The following ATF7IP2 variants were observed in gnomAD, a reference collection of about 807,000 sequenced individuals.
ATF7IP2 encodes the protein activating transcription factor 7-interacting protein 2.
A neutral mutation model predicts 64.2 loss-of-function variants in ATF7IP2; 42 were observed. The observed-to-expected ratio is 0.65, with a 90% CI of 0.51 to 0.85. The LOEUF (loss-of-function observed/expected upper bound fraction) is 0.85, where lower values mean the gene tolerates loss of function less well. ATF7IP2 is among the 40% of genes least tolerant of loss of function. The pLI is 0.00. For missense variants in ATF7IP2, 933 were observed against 784.2 expected (o/e 1.19, Z -2.27); for synonymous variants, 308 against 272.8 (o/e 1.13, Z -1.27).
chr16:10,474,092 G>T, intron 12 of ATF7IP2, 103 bp downstream of exon 12: 2 of 743,040 alleles, frequency 2.7e-6, no homozygotes. Flanking sequence ...ATGTGAGTGT[G>T]CCTATGTTTA....
Position 10,472,093 on chromosome 16 carries a change from T to A in ATF7IP2, c.1353-17T>A, listed in dbSNP as rs1596617555. The A allele has an allele frequency of 6.9e-7, 1 of 1,452,178 alleles. No homozygotes were observed. The highest frequency in any genetic ancestry group is 1.9e-5 in the Admixed American group (1 of 51,988). 90.0% of individuals were successfully genotyped at this position (1,452,178 alleles called of 1,614,324 possible). ...GCATGTTTAGTTTTTGTTTTTAATT[T>A]CTTTTTATCATTTTAGTAACAATGA... On this transcript the variant is annotated splice_polypyrimidine_tract_variant and intron_variant, in intron 9 of 13. Coordinates refer to ENST00000562102, the MANE Select transcript of ATF7IP2 (RefSeq NM_001393719.1).
chr16:10,419,118 GT>G (rs531102779), intron 2 of ATF7IP2, among the ~76,000 whole-genome samples: 165 of 152,298 alleles, frequency 1.1e-3, no homozygotes, highest in African/African-American at 3.9e-3. Flanking sequence ...TTACAAACAG[GT>G]TTTTGATGGC....
intron 1 of ATF7IP2, among the ~76,000 whole-genome samples, chr16:10,389,044 TAAAG>T (rs1427115908): frequency 1.3e-5 from 2 of 151,844 alleles, no homozygotes; most frequent in Non-Finnish European, 2.9e-5. Flanking sequence ...GAAATTTAGA[TAAAG>T]AAGTAGTAGT....
At chr16:10,427,605 C>T (rs2048109790) in intron 3 of ATF7IP2, among the ~76,000 whole-genome samples, 1 of 152,130 alleles carries the variant, frequency 6.6e-6, no homozygotes, top group African/African-American at 2.4e-5. Flanking sequence ...AATGTAATCC[C>T]AGCACTTTGG....
chr16:10,412,024 T>TTTTTTTTTTTTTTG (rs2047776766), intron 1 of ATF7IP2, among the ~76,000 whole-genome samples: 1 of 145,376 alleles, frequency 6.9e-6, no homozygotes, highest in Non-Finnish European at 1.5e-5. Context: ...TTTTTTTTTT[T>TTTTTTTTTTTTTTG]TTTTTTTTTT....
rs149332406 is a variant in ATF7IP2 at position 10,418,127 on chromosome 16, A to C, written c.-202-1454A>C. On this transcript the variant is annotated intron_variant, in intron 2 of 13. Transcript: ENST00000562102. ...CCAGTGGTAAGCATTGTTTCTATAGAGTATAGATTAACTAAAATGGGAAAC... is the reference window on the plus strand; with the variant it reads ...CCAGTGGTAAGCATTGTTTCTATAGCGTATAGATTAACTAAAATGGGAAAC... Among the ~76,000 whole-genome samples the C allele has an allele frequency of 2.4e-4, 36 of 152,358 alleles. No individual in the cohort carries two copies. In the East Asian group the frequency reaches 6.7e-3, roughly 29 times the overall value.
chr16:10,458,305 T>C (rs1185199331), intron 9 of ATF7IP2, among the ~76,000 whole-genome samples: 1 of 152,202 alleles, frequency 6.6e-6, no homozygotes, highest in Non-Finnish European at 1.5e-5. Flanking sequence ...AGGCAAGAGC[T>C]ACATTTCAGT....
At chr16:10,439,354 G>A (rs1454177295) in intron 7 of ATF7IP2, among the ~76,000 whole-genome samples, 1 of 150,004 alleles carries the variant, frequency 6.7e-6, no homozygotes, top group Non-Finnish European at 1.5e-5. Context: ...TCAGCCTACT[G>A]TAGTCCCAGT....
rs139969787 is a variant in ATF7IP2 at position 10,419,025 on chromosome 16, C to T, written c.-202-556C>T. On this transcript the variant is annotated intron_variant, in intron 2 of 13. Coordinates refer to ENST00000562102, the MANE Select transcript of ATF7IP2 (RefSeq NM_001393719.1). ...CAATCAATAATGATTCCATGGGAAT[C>T]GTTGCGCAGCACCTCTGCCTGTTCT... Among the ~76,000 whole-genome samples, 701 of 152,326 alleles carry T rather than the reference C, an allele frequency of 4.6e-3. 8 individuals are homozygous for T. The highest frequency in any genetic ancestry group is 0.016 in the African/African-American group (681 of 41,574).
intron 1 of ATF7IP2, among the ~76,000 whole-genome samples, chr16:10,401,878 G>A (rs2047542646): frequency 6.6e-6 from 1 of 151,434 alleles, no homozygotes; most frequent in Non-Finnish European, 1.5e-5. Flanking sequence ...TTCCCATAGG[G>A]TTTCCTGTTT....
rs183276390 is a variant in ATF7IP2 at position 10,408,192 on chromosome 16, G to A, written c.-241-6382G>A. Among the ~76,000 whole-genome samples, 401 of 152,262 alleles carry A rather than the reference G, an allele frequency of 2.6e-3. 4 individuals are homozygous for A. Among genetic ancestry groups the A allele is most frequent in the African/African-American group, 9.1e-3 (380 of 41,558 alleles). ...CCCAAAGTGCTGGGATTGCAGATGT[G>A]AGCCACCATGCCCAGCTTATATCAC... On this transcript the variant is annotated intron_variant, in intron 1 of 13. Transcript: ENST00000562102.
chr16:10,403,338 AC>A (rs2141779521), intron 1 of ATF7IP2, among the ~76,000 whole-genome samples: 1 of 152,312 alleles, frequency 6.6e-6, no homozygotes, highest in South Asian at 2.1e-4. Flanking sequence ...TACCTGGCAC[AC>A]TACTACTACG....
intron 6 of ATF7IP2, among the ~76,000 whole-genome samples, chr16:10,437,299 G>A (rs535668197): frequency 2.0e-5 from 3 of 152,168 alleles, no homozygotes; most frequent in Non-Finnish European, 2.9e-5. Flanking sequence ...GATTACAGGC[G>A]TGAGCCACTG....
At chr16:10,432,924 T>C (rs2048305462) in intron 5 of ATF7IP2, among the ~76,000 whole-genome samples, 1 of 152,120 alleles carries the variant, frequency 6.6e-6, no homozygotes, top group Admixed American at 6.5e-5. Context: ...TAGAACCACT[T>C]AAGTCACTAT....
intron 9 of ATF7IP2, among the ~76,000 whole-genome samples, chr16:10,468,605 G>A (rs925025945): frequency 6.6e-6 from 1 of 152,176 alleles, no homozygotes; most frequent in Non-Finnish European, 1.5e-5. Context: ...GTCAGAGATT[G>A]GAGAATCTGA....
intron 1 of ATF7IP2, among the ~76,000 whole-genome samples, chr16:10,411,541 T>G (rs1420408086): frequency 1.3e-5 from 2 of 152,242 alleles, no homozygotes; most frequent in East Asian, 3.9e-4. Context: ...TGGCTGATTT[T>G]GTATTTTTAG....
rs1248526409 is a variant in ATF7IP2 at position 10,433,433 on chromosome 16, C to A, written c.836-92C>A. 17 of 1,221,236 alleles carry A rather than the reference C, an allele frequency of 1.4e-5. No individual in the cohort carries two copies. The East Asian group carries it at 4.2e-4, about 30-fold the overall frequency. The allele number at this position is 1,221,236 out of a possible 1,614,324, so 75.6% of individuals were successfully genotyped here. On this transcript the variant is annotated intron_variant, in intron 5 of 13. Transcript: ENST00000562102. ...TAAGCCACCCTCCCTCCTTAGCCTC[C>A]CAGAGTGCTGGGATTACAGACATGA...
At chr16:10,434,065 C>CA (rs141109455) in intron 6 of ATF7IP2, among the ~76,000 whole-genome samples, 3,027 of 151,878 alleles carry the variant, frequency 0.02, 90 homozygotes, top group African/African-American at 0.069. Context: ...CCAGAAGACT[C>CA]AAACAACCTG....
chr16:10,392,555 A>G (rs1199443682), intron 1 of ATF7IP2, among the ~76,000 whole-genome samples: 2 of 152,178 alleles, frequency 1.3e-5, no homozygotes, highest in Non-Finnish European at 2.9e-5. Context: ...AAGGAAAAAT[A>G]ACACCATTCA....
Sources: gnomAD v4.1 joint callset for allele counts (sites outside exome capture counted in the v4.1 genomes callset) on GRCh38, gnomAD v4.1.1 for gene constraint, MANE v1.5 for transcripts, NCBI Gene and HGNC (gene_info 2026-07-23, HGNC 2026-07-21) for gene names.